LINGO2: variants seen among roughly 807,000 people sequenced by gnomAD.
The protein encoded by LINGO2 is leucine rich repeat and Ig domain containing 2.
In LINGO2, 14 loss-of-function variants were observed where a neutral mutation model predicts 30.6. The observed-to-expected ratio is 0.46, with a 90% CI of 0.30 to 0.72. The LOEUF is 0.72. Ranked by LOEUF, LINGO2 falls within the 30% of genes least tolerant of loss-of-function variation. The pLI, the probability that LINGO2 is intolerant of heterozygous loss-of-function variation, is 0.07. For missense variants in LINGO2, 729 were observed against 751.7 expected (o/e 0.97, Z 0.35); for synonymous variants, 317 against 288.5 (o/e 1.10, Z -1.00).
the LINGO2 span, among the ~76,000 whole-genome samples, chr9:29,171,261 C>T: frequency 1.3e-5 from 2 of 152,184 alleles, no homozygotes; most frequent in African/African-American, 4.8e-5. Context: ...GTAAGGACCA[C>T]ATAAACCTAA....
At chr9:28,928,020 C>T in the LINGO2 span, among the ~76,000 whole-genome samples, 3 of 152,152 alleles carry the variant, frequency 2.0e-5, no homozygotes, top group Admixed American at 6.5e-5. Flanking sequence ...AGAAAGTAGT[C>T]ATTGTCTTAT....
the LINGO2 span, among the ~76,000 whole-genome samples, chr9:29,192,621 C>A: frequency 6.6e-6 from 1 of 152,124 alleles, no homozygotes; most frequent in Non-Finnish European, 1.5e-5. Flanking sequence ...TGATAAACAT[C>A]TCTTCGCTCT....
chr9:29,153,302 T>C, the LINGO2 span, among the ~76,000 whole-genome samples: 1 of 152,142 alleles, frequency 6.6e-6, no homozygotes, highest in Admixed American at 6.5e-5. Context: ...AGGCCATTTA[T>C]ATTAGTAGGC....
chr9:29,011,207 A>C, the LINGO2 span, among the ~76,000 whole-genome samples: 1 of 152,180 alleles, frequency 6.6e-6, no homozygotes, highest in Non-Finnish European at 1.5e-5. Context: ...TTAGAAGCAA[A>C]ATTAAATGCT....
intron 4 of LINGO2, among the ~76,000 whole-genome samples, chr9:28,175,299 G>T (rs1478485246): frequency 6.6e-6 from 1 of 152,022 alleles, no homozygotes; most frequent in Admixed American, 6.6e-5. Context: ...TCTTCAAGAT[G>T]CTTTCCAGGA....
chr9:28,708,388 G>T, the LINGO2 span, among the ~76,000 whole-genome samples: 1 of 152,072 alleles, frequency 6.6e-6, no homozygotes, highest in Non-Finnish European at 1.5e-5. Context: ...TGCATCATGA[G>T]GTTGACTCTT....
chr9:28,311,253 C>G (rs923343046), intron 3 of LINGO2, among the ~76,000 whole-genome samples: 2 of 152,032 alleles, frequency 1.3e-5, no homozygotes, highest in African/African-American at 2.4e-5. Flanking sequence ...TATCACAAGG[C>G]AAATGGAGGC....
At chr9:28,930,968 A>T in the LINGO2 span, among the ~76,000 whole-genome samples, 1 of 152,228 alleles carries the variant, frequency 6.6e-6, no homozygotes, top group Non-Finnish European at 1.5e-5. This position sits in a 1 kb window ranked among gnomAD's most constrained non-coding sequence, Gnocchi z 4.2. Context: ...AATGCAGGCA[A>T]TTAAATATTT....
At chr9:28,880,619 C>T in the LINGO2 span, among the ~76,000 whole-genome samples, 4 of 151,704 alleles carry the variant, frequency 2.6e-5, no homozygotes, top group African/African-American at 7.3e-5. Flanking sequence ...AAGACCTGAC[C>T]GTCACCCAGC....
the LINGO2 span, among the ~76,000 whole-genome samples, chr9:29,205,735 C>T: frequency 6.6e-6 from 1 of 152,196 alleles, no homozygotes; most frequent in Non-Finnish European, 1.5e-5. Flanking sequence ...AACTGATTTG[C>T]CACATAATTC....
At chr9:28,269,720 T>C (rs1204577638) in intron 4 of LINGO2, among the ~76,000 whole-genome samples, 1 of 152,136 alleles carries the variant, frequency 6.6e-6, no homozygotes, top group African/African-American at 2.4e-5. Flanking sequence ...CTTTGCTAGA[T>C]TATTTCCTTT....
chr9:28,884,959 T>A, the LINGO2 span, among the ~76,000 whole-genome samples: 11 of 17,528 alleles, frequency 6.3e-4, no homozygotes, highest in Admixed American at 1.3e-3. Flanking sequence ...ATATATAATA[T>A]TTTATATATA....
At chr9:28,267,219 T>A (rs1224650357) in intron 4 of LINGO2, among the ~76,000 whole-genome samples, 1 of 152,040 alleles carries the variant, frequency 6.6e-6, no homozygotes, top group Non-Finnish European at 1.5e-5. Context: ...TTTGTGTTGT[T>A]GTTGTTGTTC....
At chr9:28,493,361 T>C (rs942396390) in intron 1 of LINGO2, among the ~76,000 whole-genome samples, 38 of 152,158 alleles carry the variant, frequency 2.5e-4, no homozygotes, top group African/African-American at 8.9e-4. Context: ...AAAATCAACA[T>C]TGGGGGTCTG....
intron 4 of LINGO2, among the ~76,000 whole-genome samples, chr9:28,114,808 T>TC (rs1176449906): frequency 1.4e-3 from 100 of 72,020 alleles, no homozygotes; most frequent in Non-Finnish European, 2.2e-3. Context: ...TCTCTTTTTT[T>TC]CTCTATTAGT....
chr9:28,500,598 A>T (rs920975843), intron 1 of LINGO2, among the ~76,000 whole-genome samples: 1 of 152,196 alleles, frequency 6.6e-6, no homozygotes, highest in Non-Finnish European at 1.5e-5. Context: ...GACAAAAAAA[A>T]TAAGGAGATA....
chr9:28,188,850 C>T (rs1416504966), intron 4 of LINGO2, among the ~76,000 whole-genome samples: 1 of 152,108 alleles, frequency 6.6e-6, no homozygotes, highest in Non-Finnish European at 1.5e-5. Flanking sequence ...ATTACCATGA[C>T]ACAATATGCT....
the LINGO2 span, among the ~76,000 whole-genome samples, chr9:28,760,701 G>A: frequency 2.6e-5 from 4 of 151,220 alleles, no homozygotes; most frequent in Non-Finnish European, 5.9e-5. Context: ...TCATTCTTAT[G>A]CCTTTGCCTT....
At chr9:28,330,492 T>C (rs1825380368) in intron 3 of LINGO2, among the ~76,000 whole-genome samples, 2 of 152,188 alleles carry the variant, frequency 1.3e-5, no homozygotes. Context: ...TGATACATTA[T>C]ATTAGATGGT....
Sources: gnomAD v4.1 joint callset for allele counts (sites outside exome capture counted in the v4.1 genomes callset) on GRCh38, gnomAD v4.1.1 for gene constraint, Gnocchi (gnomAD v3.1) non-coding constraint, MANE v1.5 for transcripts, NCBI Gene and HGNC (gene_info 2026-07-23, HGNC 2026-07-21) for gene names.